The following PXDN variants were observed in gnomAD, a reference collection of about 807,000 sequenced individuals.
The protein encoded by PXDN is peroxidasin.
Under a neutral mutation model 140.3 loss-of-function variants are expected in PXDN, and 77 were observed. That is an observed-to-expected ratio of 0.55 (90% confidence interval 0.46 to 0.66). The LOEUF (loss-of-function observed/expected upper bound fraction) is 0.66. Among genes scored for constraint, PXDN ranks in the 30% least tolerant of loss-of-function variants. The pLI is 0.00. For missense variants in PXDN, 1,838 were observed against 2,039.5 expected (o/e 0.90, Z 1.90); for synonymous variants, 911 against 857.4 (o/e 1.06, Z -1.09).
intron 22 of PXDN, among the ~76,000 whole-genome samples, chr2:1,634,879 G>A (rs943915972): frequency 7.2e-5 from 11 of 152,168 alleles, no homozygotes; most frequent in African/African-American, 2.2e-4. Flanking sequence ...AGCTTTCCAC[G>A]GAGCCTGGTT....
intron 2 of PXDN, among the ~76,000 whole-genome samples, chr2:1,692,843 A>G (rs530013636): frequency 1.5e-3 from 228 of 152,274 alleles, no homozygotes; most frequent in African/African-American, 5.2e-3. Context: ...GTCCCAATCA[A>G]CATGCCACAG....
At chr2:1,703,577 T>C (rs1684503366) in intron 1 of PXDN, among the ~76,000 whole-genome samples, 1 of 22,470 alleles carries the variant, frequency 4.5e-5, no homozygotes, top group African/African-American at 2.8e-4. Context: ...GGGGGACAAC[T>C]CCAGGTGAAG....
intron 1 of PXDN, among the ~76,000 whole-genome samples, chr2:1,725,197 T>C (rs1288115966): frequency 6.6e-6 from 1 of 152,250 alleles, no homozygotes; most frequent in Non-Finnish European, 1.5e-5. Flanking sequence ...CTGACTTTTG[T>C]ATGTTGATTT....
intron 2 of PXDN, 92 bp downstream of exon 2, chr2:1,692,971 C>T (rs1684218067): frequency 3.2e-6 from 4 of 1,247,146 alleles, no homozygotes; most frequent in Non-Finnish European, 4.5e-6. Context: ...CCACCCAAGC[C>T]CACTGATTGT....
At chr2:1,664,876 G>C (rs932666346) in intron 11 of PXDN, 82 bp downstream of exon 11, 2 of 1,216,112 alleles carry the variant, frequency 1.6e-6, no homozygotes, top group African/African-American at 3.0e-5. Flanking sequence ...ACACGCTGGG[G>C]TTGCCTGGGC....
intron 9 of PXDN, among the ~76,000 whole-genome samples, chr2:1,670,953 C>T (rs1389580343): frequency 1.3e-5 from 2 of 152,098 alleles, no homozygotes. Flanking sequence ...GCCCAACTCC[C>T]CCCACATCAG....
In PXDN at chr2:1,678,775, TCTGGGAG is replaced by T. The variant is rs1683791446; in HGVS notation, c.730+1411_730+1417del. On this transcript the variant is annotated intron_variant, in intron 7 of 22. Transcript: ENST00000252804. ...GCAGCTCCTTCCACTGAGGGCCGTT[TCTGGGAG>T]CTGTTGACAGCCAGTGCCCTGCGGA... Among the ~76,000 whole-genome samples, 4 of 152,206 alleles carry T rather than the reference TCTGGGAG, an allele frequency of 2.6e-5. No individual in the cohort carries two copies. In the South Asian group the frequency reaches 8.3e-4, roughly 31 times the overall value.
chr2:1,682,786 CA>C (rs1683944867), intron 6 of PXDN, among the ~76,000 whole-genome samples: 1 of 151,852 alleles, frequency 6.6e-6, no homozygotes, highest in African/African-American at 2.4e-5. Context: ...CCAAAAATAC[CA>C]AAATTAGCCA....
chr2:1,744,820 C>T (rs1685655299), upstream of PXDN: 2 of 194,704 alleles, frequency 1.0e-5, no homozygotes, highest in East Asian at 2.6e-4. Flanking sequence ...TTTCTGCCTG[C>T]GCTCACTACG....
intron 16 of PXDN, chr2:1,653,229 C>T (rs555202467): frequency 1.8e-5 from 6 of 332,962 alleles, no homozygotes; most frequent in Non-Finnish European, 3.6e-5. Context: ...AACAACCCTC[C>T]TAATACGCGT....
intron 1 of PXDN, among the ~76,000 whole-genome samples, chr2:1,717,730 C>A (rs1456524056): frequency 6.6e-6 from 1 of 152,076 alleles, no homozygotes; most frequent in African/African-American, 2.4e-5. Context: ...CTCCACTAAC[C>A]GACCACCCAA....
chr2:1,638,966 CT>C lies in PXDN; in HGVS notation c.4085del (p.Gln1362ArgfsTer42). On this transcript the variant is annotated frameshift_variant, in exon 21 of 23. Transcript: ENST00000252804. LOFTEE classifies it high-confidence loss of function. ...AGGTGCTGTTGCTGAGATGTTCCCC[CT>C]GTCTCCCAACACTGTGGTGAGGGGA... ...RPRKIPSVGR[Q>X]GEHLSNSTSA... 6.2e-7 allele frequency: 1 copy of C among 1,613,996 alleles called. No homozygotes were observed. The highest frequency in any genetic ancestry group is 8.5e-7 in the Non-Finnish European group (1 of 1,179,864).
At position 1,680,198 on chromosome 2, in the gene PXDN, T is replaced by C; in HGVS notation, c.725A>G (p.Asn242Ser). 6.4e-7 allele frequency: 1 copy of C among 1,568,190 alleles called. No individual in the cohort carries two copies. Among genetic ancestry groups the C allele is most frequent in the Non-Finnish European group, 8.6e-7 (1 of 1,156,394 alleles). Residue 242 changes from asparagine (N) to serine (S), a missense_variant, in exon 7 of 23, where the codon AAC becomes AGC. Asn to Ser is a conservative substitution (Grantham distance 46, BLOSUM62 1). This residue lies in a region of PXDN where 208 missense variants were observed against 325.8 expected (regional missense o/e 0.64). Coordinates refer to ENST00000252804, the MANE Select transcript of PXDN (RefSeq NM_012293.3). ...GTGCGTGTCGGGCCACTCACCACAGTTCAGCTCTTCCGGGGTGATGGTTGC... is the reference window on the plus strand; with the variant it reads ...GTGCGTGTCGGGCCACTCACCACAGCTCAGCTCTTCCGGGGTGATGGTTGC... ...SVATITPEEL[N>S]CERPRITSEP...
At chr2:1,664,479 A>T (rs1459727753) in intron 11 of PXDN, 1 of 160,194 alleles carries the variant, frequency 6.2e-6, no homozygotes, top group African/African-American at 2.4e-5. Flanking sequence ...GACTGTAGGC[A>T]AAGAATGTGA....
chr2:1,694,972 C>T (rs1172641628), intron 1 of PXDN, among the ~76,000 whole-genome samples: 1 of 152,158 alleles, frequency 6.6e-6, no homozygotes, highest in Non-Finnish European at 1.5e-5. Flanking sequence ...CCCGGAAGGC[C>T]GAGCCACGCA....
chr2:1,699,858 A>G (rs1225307736), intron 1 of PXDN, among the ~76,000 whole-genome samples: 1 of 152,184 alleles, frequency 6.6e-6, no homozygotes, highest in East Asian at 1.9e-4. Flanking sequence ...ATTGAAATGT[A>G]AGAAGTTACT....
chr2:1,641,065 C>T (rs937249411), intron 19 of PXDN, among the ~76,000 whole-genome samples: 2 of 152,250 alleles, frequency 1.3e-5, no homozygotes, highest in Non-Finnish European at 2.9e-5. Context: ...AGACCTAGTG[C>T]AGACCCCACA....
chr2:1,700,578 G>C (rs190499728), intron 1 of PXDN, among the ~76,000 whole-genome samples: 1 of 152,226 alleles, frequency 6.6e-6, no homozygotes, highest in Non-Finnish European at 1.5e-5. Flanking sequence ...CATTCGTGTT[G>C]CTCAGCAGTG....
rs1450163856 is a variant in PXDN at position 1,744,401 on chromosome 2, A to G, written c.55T>C (p.Phe19Leu). Residue 19 changes from phenylalanine to leucine, a missense_variant, in exon 1 of 23, where the codon TTC becomes CTC. Around this residue, in one of 5 missense-constraint regions of PXDN, gnomAD observed 231 missense variants for 201.5 expected, o/e 1.15. Transcript: ENST00000252804. ...GRRCLLALVL[F>L]CAWGTLAVVA... ...ACGGCCAGCGTCCCCCAGGCGCAGA[A>G]CAGCACGAGCGCCAACAGGCAGCGG... 6.6e-7 allele frequency: 1 copy of G among 1,519,080 alleles called. No homozygotes were observed. The highest frequency in any genetic ancestry group is 1.2e-5 in the South Asian group (1 of 82,506). The allele number at this position is 1,519,080 out of a possible 1,614,324, so 94.1% of individuals were successfully genotyped here. A position where few individuals can be genotyped will look rare whatever the true frequency, so the allele number is the denominator to read the frequency against.
Sources: allele counts gnomAD v4.1 joint callset (sites outside exome capture counted in the v4.1 genomes callset), GRCh38; gene constraint gnomAD v4.1.1; regional missense constraint gnomAD v4.1.1; transcripts MANE v1.5; gene names NCBI Gene and HGNC (gene_info 2026-07-23, HGNC 2026-07-21).